Variants in CDH18 observed in about 807,000 individuals in gnomAD.
CDH18 encodes the protein cadherin 18, also known as cadherin-18.
Under a neutral mutation model 67.9 loss-of-function variants are expected in CDH18, and 31 were observed. The observed-to-expected ratio is 0.46, with a 90% CI of 0.34 to 0.62. The LOEUF (loss-of-function observed/expected upper bound fraction) is 0.62. Ranked by LOEUF, CDH18 falls within the 20% of genes least tolerant of loss-of-function variation. The pLI, the probability that CDH18 is intolerant of heterozygous loss-of-function variation, is 0.01. For synonymous variants in CDH18, 362 were observed against 347.2 expected (o/e 1.04, Z -0.48); for missense variants, 890 against 975.5 (o/e 0.91, Z 1.17).
At chr5:20,057,150 T>C (rs1007642397) in intron 2 of CDH18, among the ~76,000 whole-genome samples, 4 of 152,190 alleles carry the variant, frequency 2.6e-5, no homozygotes, top group African/African-American at 4.8e-5. Context: ...TTTAGAATTA[T>C]GTCAATCAGG....
chr5:20,246,063 T>C (rs1455757401), intron 2 of CDH18, among the ~76,000 whole-genome samples: 1 of 152,100 alleles, frequency 6.6e-6, no homozygotes, highest in East Asian at 1.9e-4. Flanking sequence ...CATATAAAAT[T>C]ATGGAAAATG....
chr5:20,507,261 C>G (rs571559081), intron 1 of CDH18, among the ~76,000 whole-genome samples: 6 of 152,282 alleles, frequency 3.9e-5, no homozygotes, highest in Non-Finnish European at 7.4e-5. Flanking sequence ...GTTTCAACCT[C>G]TACGTTTTTG....
At chr5:19,971,848 TA>T (rs751140217) in intron 2 of CDH18, among the ~76,000 whole-genome samples, 89 of 107,962 alleles carry the variant, frequency 8.2e-4, no homozygotes, top group Admixed American at 1.1e-3. Context: ...ACTTAAACGT[TA>T]AAAAAAAAAA....
In CDH18 at chr5:20,345,705, A is replaced by G. The variant is rs1378092284; in HGVS notation, c.-579-90200T>C. Reference sequence around the variant, plus strand: ...AATCTTAGTAATTGTTAGATTTGCCATGAATCTCCTGAAAAAATCCACCTC... The same window carrying G: ...AATCTTAGTAATTGTTAGATTTGCCGTGAATCTCCTGAAAAAATCCACCTC... On this transcript the variant is annotated intron_variant, in intron 1 of 14. Transcript: ENST00000507958. 3.3e-5 allele frequency among the ~76,000 whole-genome samples: 5 copies of G among 152,236 alleles called. No homozygotes were observed. In the East Asian group the frequency reaches 7.7e-4, roughly 24 times the overall value.
chr5:20,217,028 T>C (rs926470039), intron 2 of CDH18, among the ~76,000 whole-genome samples: 4 of 151,764 alleles, frequency 2.6e-5, no homozygotes, highest in African/African-American at 2.4e-5. Context: ...TATATTAAAA[T>C]AGTATATCCA....
At chr5:20,319,344 T>C (rs1344297244) in intron 1 of CDH18, among the ~76,000 whole-genome samples, 1 of 152,122 alleles carries the variant, frequency 6.6e-6, no homozygotes, top group East Asian at 1.9e-4. Flanking sequence ...TTGCTTGTTT[T>C]CTCCCCTCTA....
chr5:20,325,374 A>G (rs1393857130), intron 1 of CDH18, among the ~76,000 whole-genome samples: 1 of 152,198 alleles, frequency 6.6e-6, no homozygotes, highest in African/African-American at 2.4e-5. Flanking sequence ...GACAGAGATA[A>G]GACAATGTCT....
intron 2 of CDH18, among the ~76,000 whole-genome samples, chr5:19,995,700 G>A (rs974144678): frequency 6.6e-5 from 10 of 151,050 alleles, no homozygotes; most frequent in African/African-American, 2.4e-4. Flanking sequence ...AATCCCAGTT[G>A]TAAGTGCTCA....
At chr5:20,253,448 G>A (rs1009684224) in intron 2 of CDH18, among the ~76,000 whole-genome samples, 1 of 152,136 alleles carries the variant, frequency 6.6e-6, no homozygotes, top group Non-Finnish European at 1.5e-5. Context: ...TCAAAATCTG[G>A]ATGCTAAGGA....
At chr5:20,226,655 C>T (rs981200405) in intron 2 of CDH18, among the ~76,000 whole-genome samples, 8 of 151,982 alleles carry the variant, frequency 5.3e-5, no homozygotes, top group Admixed American at 4.6e-4. Context: ...TGCCACAAAA[C>T]TAACAAAAAA....
Position 19,495,867 on chromosome 5 carries a change from A to G in CDH18, c.1630+7125T>C, listed in dbSNP as rs538305221. On this transcript the variant is annotated intron_variant, in intron 11 of 12. Coordinates refer to ENST00000382275, the MANE Select transcript of CDH18 (RefSeq NM_004934.5). The stretch of plus-strand genomic sequence containing the variant: ...TTGGTTGCAAAACAGCCTTTCTTCT[A>G]TAGGTATTTACTTATATTAGGAACT... 3.3e-4 allele frequency among the ~76,000 whole-genome samples: 50 copies of G among 152,196 alleles called. No homozygotes were observed. In the South Asian group the frequency reaches 9.7e-3, roughly 30 times the overall value.
chr5:20,419,424 C>T (rs745727422), intron 1 of CDH18, among the ~76,000 whole-genome samples: 5 of 145,450 alleles, frequency 3.4e-5, no homozygotes, highest in Admixed American at 6.9e-5. Flanking sequence ...AATAAATTTC[C>T]GTTGTTTCTA....
At position 19,969,668 on chromosome 5, in the gene CDH18, G is replaced by A. The variant is rs1377751221; in HGVS notation, c.-257+11392C>T. ...ATGAGAACACATGGACACAGGAAGGGGAACATCACACTCTGGGGACTGTTG... is the reference window on the plus strand; with the variant it reads ...ATGAGAACACATGGACACAGGAAGGAGAACATCACACTCTGGGGACTGTTG... On this transcript the variant is annotated intron_variant, in intron 2 of 12. Coordinates refer to ENST00000382275, the MANE Select transcript of CDH18 (RefSeq NM_004934.5). Among the ~76,000 whole-genome samples the A allele has an allele frequency of 1.0e-4, 15 of 148,002 alleles. No individual in the cohort carries two copies. The South Asian group carries it at 2.9e-3, about 28-fold the overall frequency.
intron 2 of CDH18, among the ~76,000 whole-genome samples, chr5:20,164,711 A>G (rs1736156077): frequency 6.6e-6 from 1 of 152,236 alleles, no homozygotes; most frequent in Non-Finnish European, 1.5e-5. Context: ...GTTTTTAGAG[A>G]TACGGCCAAG....
chr5:20,014,288 C>T (rs1268601467), intron 2 of CDH18, among the ~76,000 whole-genome samples: 1 of 151,912 alleles, frequency 6.6e-6, no homozygotes, highest in Non-Finnish European at 1.5e-5. Flanking sequence ...GTCTGCTGGG[C>T]AAGAAAGAGA....
intron 1 of CDH18, among the ~76,000 whole-genome samples, chr5:20,519,651 A>G: frequency 6.6e-6 from 1 of 152,094 alleles, no homozygotes; most frequent in African/African-American, 2.4e-5. Context: ...AAAGGAGTCA[A>G]GAAGCATCCA....
intron 1 of CDH18, among the ~76,000 whole-genome samples, chr5:20,357,473 T>C (rs1741728177): frequency 6.6e-6 from 1 of 152,152 alleles, no homozygotes. Context: ...TAACTTTCTA[T>C]TGTTATTATG....
chr5:19,483,691 A>G, intron 11 of CDH18, 139 bp from the exon 12 acceptor site: 2 of 824,484 alleles, frequency 2.4e-6, no homozygotes, highest in South Asian at 4.3e-5. Context: ...CGAAGGGGCA[A>G]TTATTAAAGA....
At chr5:20,330,615 C>T (rs962630991) in intron 1 of CDH18, among the ~76,000 whole-genome samples, 3 of 152,108 alleles carry the variant, frequency 2.0e-5, no homozygotes, top group East Asian at 3.9e-4. Flanking sequence ...AGGTAAAGAA[C>T]ACCTCAAGTG....
Sources: allele counts gnomAD v4.1 joint callset (sites outside exome capture counted in the v4.1 genomes callset), GRCh38; gene constraint gnomAD v4.1.1; transcripts MANE v1.5; gene names NCBI Gene and HGNC (gene_info 2026-07-23, HGNC 2026-07-21).